The following SETBP1 variants were observed in gnomAD, a reference collection of about 807,000 sequenced individuals.
SETBP1 encodes SET-binding protein.
SETBP1 carries 9 observed loss-of-function variants against 101.0 expected under a neutral mutation model. The ratio of observed to expected loss-of-function variants is 0.09; its 90% confidence interval spans 0.05 to 0.16. The LOEUF (loss-of-function observed/expected upper bound fraction) is 0.16, where lower values mean the gene tolerates loss of function less well. SETBP1 is among the 10% of genes least tolerant of loss of function. The probability of loss-of-function intolerance (pLI) is 1.00; values close to 1 mark genes in which losing one functional copy is unlikely to be tolerated. For synonymous variants in SETBP1, 818 were observed against 788.5 expected (o/e 1.04, Z -0.63); for missense variants, 1,858 against 2,033.8 (o/e 0.91, Z 1.66).
intron 2 of SETBP1, among the ~76,000 whole-genome samples, chr18:44,781,349 A>C (rs2144682100): frequency 6.6e-6 from 1 of 152,288 alleles, no homozygotes; most frequent in African/African-American, 2.4e-5. Flanking sequence ...AAGATTTCAC[A>C]CATGGTATTC....
chr18:44,820,934 T>C (rs1353199421), intron 2 of SETBP1, among the ~76,000 whole-genome samples: 4 of 152,216 alleles, frequency 2.6e-5, no homozygotes. Flanking sequence ...ACTTGGTAGC[T>C]TGGGAGCCAT....
chr18:44,859,409 G>A (rs187801032), intron 2 of SETBP1, among the ~76,000 whole-genome samples: 3 of 152,134 alleles, frequency 2.0e-5, no homozygotes, highest in Non-Finnish European at 4.4e-5. Flanking sequence ...GAGTAGGGAG[G>A]GAGATAGCAA....
chr18:44,732,856 C>A (rs1297296656), intron 2 of SETBP1: 1 of 152,260 alleles, frequency 6.6e-6, no homozygotes, highest in East Asian at 1.9e-4. Context: ...CAACACCTGT[C>A]CTTCTGCGGC....
chr18:44,940,920 C>T (rs1043044488), intron 3 of SETBP1, among the ~76,000 whole-genome samples: 5 of 151,906 alleles, frequency 3.3e-5, no homozygotes, highest in Non-Finnish European at 7.4e-5. Flanking sequence ...AATGAATTCC[C>T]TCGGTTTTTA....
At chr18:44,829,855 C>T (rs914630087) in intron 2 of SETBP1, among the ~76,000 whole-genome samples, 18 of 152,150 alleles carry the variant, frequency 1.2e-4, no homozygotes, top group African/African-American at 3.9e-4. Context: ...GATCCTTCTA[C>T]GTATCCACAT....
At chr18:44,693,959 G>A (rs914987381) in intron 1 of SETBP1, among the ~76,000 whole-genome samples, 1 of 152,174 alleles carries the variant, frequency 6.6e-6, no homozygotes, top group African/African-American at 2.4e-5. Flanking sequence ...TGGGAGGAGT[G>A]GAAGAAGGGC....
intron 3 of SETBP1, among the ~76,000 whole-genome samples, chr18:44,897,859 G>T (rs1008033588): frequency 3.3e-5 from 5 of 152,112 alleles, no homozygotes; most frequent in Non-Finnish European, 4.4e-5. Flanking sequence ...ACAGACCTGT[G>T]GTGTGATAGA....
intron 2 of SETBP1, among the ~76,000 whole-genome samples, chr18:44,864,335 G>A (rs982142305): frequency 2.6e-5 from 4 of 152,110 alleles, no homozygotes; most frequent in Non-Finnish European, 4.4e-5. Flanking sequence ...GCAGAATGCC[G>A]CTGCTTAGGA....
In SETBP1 at chr18:44,730,491, G is replaced by A. The variant is rs571503226; in HGVS notation, c.486+28659G>A. Among the ~76,000 whole-genome samples the A allele has an allele frequency of 2.3e-4, 35 of 152,322 alleles. 1 individual carries two copies. The Middle Eastern group carries it at 0.02, about 89-fold the overall frequency. On this transcript the variant is annotated intron_variant, in intron 2 of 5. Transcript: ENST00000649279. ...GGGAAAGAAGGCAGTGAGGAACCTC[G>A]CTCTTTTCTTGACCCTGGACTTTTT...
At chr18:45,028,892 T>C (rs1409381800) in intron 4 of SETBP1, among the ~76,000 whole-genome samples, 1 of 152,218 alleles carries the variant, frequency 6.6e-6, no homozygotes, top group Non-Finnish European at 1.5e-5. Flanking sequence ...TTTGAGTTCA[T>C]TGTAGATTCT....
In SETBP1 at chr18:44,950,587, A is replaced by G. The variant is rs1374708499; in HGVS notation, c.1247A>G (p.His416Arg). The G allele has an allele frequency of 9.9e-6, 16 of 1,613,986 alleles. No individual in the cohort carries two copies. The highest frequency in any genetic ancestry group is 1.4e-5 in the Non-Finnish European group (16 of 1,180,030). ...IKAPSLDPTN[H>R]KRKKRQSIKA... ...GCACCCTCTCTGGATCCAACCAACC[A>G]TAAGAGGAAAAAAAGACAGTCCATT... Residue 416 changes from histidine (H) to arginine (R), a missense_variant, in exon 4 of 6, where the codon CAT becomes CGT. Physicochemically the swap from His to Arg is conservative, Grantham distance 29. This residue lies in a region of SETBP1 where 581 missense variants were observed against 535.1 expected (regional missense o/e 1.09). Coordinates refer to ENST00000649279, the MANE Select transcript of SETBP1 (RefSeq NM_015559.3).
intron 3 of SETBP1, among the ~76,000 whole-genome samples, chr18:44,947,922 C>CTGTTAGAGG (rs141721154): frequency 6.6e-6 from 1 of 152,312 alleles, no homozygotes; most frequent in East Asian, 1.9e-4. Context: ...TCCTCTAGAC[C>CTGTTAGAGG]TGTGATCCTG....
intron 3 of SETBP1, among the ~76,000 whole-genome samples, chr18:44,894,232 G>A (rs1332543666): frequency 6.6e-6 from 1 of 152,122 alleles, no homozygotes; most frequent in East Asian, 1.9e-4. Context: ...GCAGGAAATG[G>A]TACTCTCTTT....
chr18:44,888,877 CTTGAT>C (rs1330544718), intron 3 of SETBP1, among the ~76,000 whole-genome samples: 1 of 152,050 alleles, frequency 6.6e-6, no homozygotes, highest in African/African-American at 2.4e-5. Context: ...AGAGAGTTGT[CTTGAT>C]TTATGTTTGA....
intron 3 of SETBP1, among the ~76,000 whole-genome samples, chr18:44,931,066 G>A (rs1453737071): frequency 3.3e-5 from 5 of 152,114 alleles, no homozygotes; most frequent in African/African-American, 4.8e-5. Context: ...GCTTTCTCTT[G>A]TGGGCATTTA....
intron 2 of SETBP1, among the ~76,000 whole-genome samples, chr18:44,786,893 C>T (rs567661308): frequency 9.8e-5 from 15 of 152,286 alleles, no homozygotes; most frequent in African/African-American, 1.9e-4. Flanking sequence ...CATCAGCTGT[C>T]GTGCTGAGGT....
chr18:44,795,052 G>T (rs2071447072), intron 2 of SETBP1, among the ~76,000 whole-genome samples: 2 of 152,104 alleles, frequency 1.3e-5, no homozygotes, highest in African/African-American at 4.8e-5. Flanking sequence ...AAAGTAAGTT[G>T]ATAAAGTGCT....
chr18:44,866,092 G>A (rs1480672777), intron 2 of SETBP1, among the ~76,000 whole-genome samples: 5 of 152,268 alleles, frequency 3.3e-5, no homozygotes, highest in African/African-American at 1.2e-4. Context: ...CCCTGGTGAT[G>A]GATTTATTCA....
chr18:44,867,787 G>A (rs2069162530), intron 2 of SETBP1, among the ~76,000 whole-genome samples: 1 of 152,138 alleles, frequency 6.6e-6, no homozygotes, highest in Non-Finnish European at 1.5e-5. Context: ...TCTTCTGCTG[G>A]ATCCTAGCTT....
Sources: allele counts gnomAD v4.1 joint callset (sites outside exome capture counted in the v4.1 genomes callset), GRCh38; gene constraint gnomAD v4.1.1; regional missense constraint gnomAD v4.1.1; transcripts MANE v1.5; gene names NCBI Gene and HGNC (gene_info 2026-07-23, HGNC 2026-07-21).